Variants in VPS13B observed in about 807,000 individuals in gnomAD.
VPS13B encodes the protein vacuolar protein sorting 13 homolog B.
VPS13B carries 285 observed loss-of-function variants against 426.4 expected under a neutral mutation model. The ratio of observed to expected loss-of-function variants is 0.67; its 90% CI spans 0.61 to 0.74. The LOEUF (loss-of-function observed/expected upper bound fraction) is 0.74. Ranked by LOEUF, VPS13B falls within the 30% of genes least tolerant of loss-of-function variation. The probability of loss-of-function intolerance (pLI) is 0.00; values close to 1 mark genes in which losing one functional copy is unlikely to be tolerated. For synonymous variants in VPS13B, 1,676 were observed against 1,676.4 expected (o/e 1.00, Z 0.01); for missense variants, 4,537 against 4,782.6 (o/e 0.95, Z 1.51).
At chr8:99,478,485 T>TTTTTTTGTTTG (rs1819861613) in intron 24 of VPS13B, among the ~76,000 whole-genome samples, 1 of 148,738 alleles carries the variant, frequency 6.7e-6, no homozygotes, top group African/African-American at 2.5e-5. Flanking sequence ...TTTTTTTTTT[T>TTTTTTTGTTTG]TGCCGAGGCA....
chr8:99,340,520 C>T, intron 19 of VPS13B: 3 of 483,722 alleles, frequency 6.2e-6, no homozygotes, highest in South Asian at 4.9e-5. Flanking sequence ...TGTTGTGCCC[C>T]ATAAATGTGA....
intron 34 of VPS13B, among the ~76,000 whole-genome samples, chr8:99,659,356 A>G (rs1432115465): frequency 6.6e-6 from 1 of 152,002 alleles, no homozygotes; most frequent in Non-Finnish European, 1.5e-5. Context: ...TATTAATGGT[A>G]TCCCTTTTCT....
chr8:99,353,590 A>G (rs1812016390), intron 19 of VPS13B, among the ~76,000 whole-genome samples: 1 of 149,910 alleles, frequency 6.7e-6, no homozygotes, highest in African/African-American at 2.5e-5. Context: ...ACTAGAGCAG[A>G]CAGACTTCTT....
At chr8:99,697,725 G>C (rs1396954603) in intron 35 of VPS13B, 2 of 624,438 alleles carry the variant, frequency 3.2e-6, no homozygotes, top group African/African-American at 3.6e-5. Context: ...TGCAAGCTGG[G>C]CCTGGCCTAG....
chr8:99,242,273 C>T (rs942743721), intron 17 of VPS13B, among the ~76,000 whole-genome samples: 15 of 152,204 alleles, frequency 9.9e-5, no homozygotes, highest in South Asian at 2.1e-4. Context: ...CATGAGCCAC[C>T]GCGCCAGGCC....
intron 19 of VPS13B, among the ~76,000 whole-genome samples, chr8:99,358,424 G>A (rs1812309208): frequency 6.6e-6 from 1 of 152,122 alleles, no homozygotes; most frequent in Non-Finnish European, 1.5e-5. Context: ...TATTCATTGA[G>A]TGTAAATTAG....
intron 61 of VPS13B, chr8:99,873,155 T>C (rs1302096200): frequency 6.6e-6 from 1 of 152,252 alleles, no homozygotes; most frequent in Admixed American, 6.5e-5. Context: ...GTGACCATCA[T>C]GATTCCTTAG....
chr8:99,275,597 G>C (rs1364122412), intron 19 of VPS13B, among the ~76,000 whole-genome samples: 1 of 152,042 alleles, frequency 6.6e-6, no homozygotes, highest in African/African-American at 2.4e-5. Flanking sequence ...ACCCAAGTTT[G>C]TCATGTGTAA....
At chr8:99,613,570 G>A (rs1216941514) in intron 33 of VPS13B, among the ~76,000 whole-genome samples, 2 of 152,146 alleles carry the variant, frequency 1.3e-5, no homozygotes, top group Non-Finnish European at 1.5e-5. Flanking sequence ...GTTTTGTTGT[G>A]TGGACTTGTT....
intron 31 of VPS13B, among the ~76,000 whole-genome samples, chr8:99,571,606 G>A (rs1825478397): frequency 6.6e-6 from 1 of 151,942 alleles, no homozygotes; most frequent in African/African-American, 2.4e-5. Context: ...GGTTGTTAGT[G>A]TTTGCTCTTA....
At chr8:99,507,700 TA>T (rs1469672458) in intron 28 of VPS13B, 16 of 1,605,656 alleles carry the variant, frequency 1.0e-5, no homozygotes, top group Middle Eastern at 3.3e-4. Flanking sequence ...ACTATCCAGA[TA>T]TTTTTTTGCT....
At chr8:99,089,246 G>A (rs926949387) in intron 3 of VPS13B, among the ~76,000 whole-genome samples, 1 of 152,156 alleles carries the variant, frequency 6.6e-6, no homozygotes, top group Non-Finnish European at 1.5e-5. Flanking sequence ...GTCTTTAGCA[G>A]TATGTGACAT....
intron 3 of VPS13B, among the ~76,000 whole-genome samples, chr8:99,042,140 C>CAAAA (rs926270480): frequency 7.6e-6 from 1 of 130,820 alleles, no homozygotes. Flanking sequence ...AACTCCATCT[C>CAAAA]AAAAAAAAAA....
At chr8:99,121,694 A>G (rs1847942349) in intron 8 of VPS13B, 2 of 1,009,116 alleles carry the variant, frequency 2.0e-6, no homozygotes, top group African/African-American at 1.6e-5. Flanking sequence ...TTTTTGCCCT[A>G]TTGAATCATT....
chr8:99,080,338 C>T (rs980745245), intron 3 of VPS13B, among the ~76,000 whole-genome samples: 1 of 151,988 alleles, frequency 6.6e-6, no homozygotes, highest in African/African-American at 2.4e-5. Context: ...GACCTGTGGT[C>T]ATAATAAAAT....
intron 19 of VPS13B, among the ~76,000 whole-genome samples, chr8:99,337,855 A>G (rs11995956): frequency 0.074 from 11,313 of 152,126 alleles, 518 homozygotes; most frequent in African/African-American, 0.13. Flanking sequence ...TTTTAATTCT[A>G]TGATTCAAAA....
rs1225387222 is a variant in VPS13B at position 99,330,132 on chromosome 8, T to G, written c.2825-54076T>G. On this transcript the variant is annotated intron_variant, in intron 19 of 61. Transcript: ENST00000357162. ...AGGATTTTAGAAAAGAATTTAAAATTGTCTTCAAATATTTGAACATGTTAT... is the reference window on the plus strand; with the variant it reads ...AGGATTTTAGAAAAGAATTTAAAATGGTCTTCAAATATTTGAACATGTTAT... Among the ~76,000 whole-genome samples, 3 of 152,010 alleles carry G rather than the reference T, an allele frequency of 2.0e-5. 1 individual carries two copies. Among genetic ancestry groups the G allele is most frequent in the Non-Finnish European group, 4.4e-5 (3 of 67,938 alleles).
At position 99,166,832 on chromosome 8, in the gene VPS13B, C is replaced by T. The variant is rs138229012; in HGVS notation, c.2209-3207C>T. Among the ~76,000 whole-genome samples, 752 of 152,256 alleles carry T rather than the reference C, an allele frequency of 4.9e-3. 6 individuals carry two copies. The highest frequency in any genetic ancestry group is 0.017 in the African/African-American group (711 of 41,558). Reference sequence around the variant, plus strand: ...GAAGCTACTACAGAGCTATAGTAATCAAAACAGTGTGGTACTGTTGTAAAC... The same window carrying T: ...GAAGCTACTACAGAGCTATAGTAATTAAAACAGTGTGGTACTGTTGTAAAC... On this transcript the variant is annotated intron_variant, in intron 15 of 61. Coordinates refer to ENST00000357162, the MANE Select transcript of VPS13B (RefSeq NM_152564.5).
chr8:99,692,817 A>G (rs1363655722), intron 35 of VPS13B, among the ~76,000 whole-genome samples: 1 of 147,404 alleles, frequency 6.8e-6, no homozygotes, highest in Non-Finnish European at 1.5e-5. Context: ...TAAAGAAAAA[A>G]AGAGAGAAGA....
Sources: allele counts gnomAD v4.1 joint callset (sites outside exome capture counted in the v4.1 genomes callset), GRCh38; gene constraint gnomAD v4.1.1; transcripts MANE v1.5; gene names NCBI Gene and HGNC (gene_info 2026-07-23, HGNC 2026-07-21).